The following CCDC102B variants were observed in gnomAD, a reference collection of about 807,000 sequenced individuals.
CCDC102B encodes coiled-coil domain containing 102B.
In CCDC102B, 75 loss-of-function variants were observed where a neutral mutation model predicts 57.4. The observed-to-expected ratio is 1.31, with a 90% CI of 1.08 to 1.58. The LOEUF is 1.58. CCDC102B is among the 40% of genes most tolerant of loss of function. The probability of loss-of-function intolerance (pLI) is 0.00; values close to 1 mark genes in which losing one functional copy is unlikely to be tolerated. For missense variants in CCDC102B, 636 were observed against 582.6 expected, an observed-to-expected ratio of 1.09 and a Z score of -0.94; for synonymous variants, 206 against 201.9, an observed-to-expected ratio of 1.02 and a Z score of -0.17.
At chr18:68,738,026 C>G (rs1456999195) in intron 2 of CCDC102B, among the ~76,000 whole-genome samples, 1 of 152,144 alleles carries the variant, frequency 6.6e-6, no homozygotes, top group Non-Finnish European at 1.5e-5. Flanking sequence ...ATAATGACCA[C>G]TCATTTAATG....
intron 6 of CCDC102B, among the ~76,000 whole-genome samples, chr18:68,924,844 A>G (rs754103567): frequency 3.3e-5 from 5 of 152,090 alleles, no homozygotes; most frequent in Non-Finnish European, 7.4e-5. Context: ...ACAAACACTT[A>G]TGCCAAATGC....
At chr18:68,781,913 TC>T (rs1467044883) in intron 2 of CCDC102B, among the ~76,000 whole-genome samples, 1 of 152,080 alleles carries the variant, frequency 6.6e-6, no homozygotes, top group Non-Finnish European at 1.5e-5. Context: ...AGAATAACAG[TC>T]ATTGAGGTAT....
At chr18:68,828,745 TA>T (rs1357838377) in intron 1 of CCDC102B, among the ~76,000 whole-genome samples, 2 of 151,724 alleles carry the variant, frequency 1.3e-5, no homozygotes, top group African/African-American at 2.4e-5. Flanking sequence ...TTACTTTATT[TA>T]AAAATATTTA....
chr18:68,815,971 C>A (rs771425646), intron 1 of CCDC102B, among the ~76,000 whole-genome samples: 22 of 152,158 alleles, frequency 1.4e-4, no homozygotes, highest in South Asian at 4.1e-4. Flanking sequence ...GGATTTTTCA[C>A]ACTCCCATAT....
chr18:68,984,300 T>G (rs1164063418), intron 6 of CCDC102B, among the ~76,000 whole-genome samples: 1 of 152,082 alleles, frequency 6.6e-6, no homozygotes, highest in Non-Finnish European at 1.5e-5. Flanking sequence ...ATTTGCAGAT[T>G]ACTTATGTAA....
chr18:68,771,831 G>C (rs971545400), intron 2 of CCDC102B, among the ~76,000 whole-genome samples: 4 of 150,186 alleles, frequency 2.7e-5, no homozygotes, highest in Non-Finnish European at 4.4e-5. Flanking sequence ...TAAAAAGAGA[G>C]ACTTACATTT....
At chr18:68,924,841 C>T (rs1026701157) in intron 6 of CCDC102B, among the ~76,000 whole-genome samples, 2 of 152,058 alleles carry the variant, frequency 1.3e-5, no homozygotes, top group Admixed American at 6.6e-5. Flanking sequence ...TGTACAAACA[C>T]TTATGCCAAA....
intron 2 of CCDC102B, among the ~76,000 whole-genome samples, chr18:68,764,797 A>T (rs2034369466): frequency 6.6e-6 from 1 of 152,054 alleles, no homozygotes; most frequent in Admixed American, 6.6e-5. Flanking sequence ...AAATAATGGG[A>T]GACCAAGGCA....
At chr18:68,834,562 G>A (rs2037284598) in intron 1 of CCDC102B, among the ~76,000 whole-genome samples, 2 of 149,618 alleles carry the variant, frequency 1.3e-5, no homozygotes, top group South Asian at 2.1e-4. Context: ...GTAAATGAAG[G>A]GAACAAAACA....
intron 6 of CCDC102B, among the ~76,000 whole-genome samples, chr18:68,945,381 T>C (rs765751687): frequency 1.8e-4 from 27 of 152,056 alleles, no homozygotes; most frequent in Non-Finnish European, 2.9e-4. Flanking sequence ...AAATTAATAT[T>C]GTCAAGTTCA....
At chr18:68,765,314 AAGGAAGGAAGG>A (rs1289057834) in intron 2 of CCDC102B, among the ~76,000 whole-genome samples, 1 of 62,796 alleles carries the variant, frequency 1.6e-5, no homozygotes, top group African/African-American at 5.8e-5. Flanking sequence ...GGAAGGAAGG[AAGGAAGGAAGG>A]AAAGAAAGAA....
At chr18:68,878,569 G>A (rs1440193554) in intron 5 of CCDC102B, among the ~76,000 whole-genome samples, 4 of 152,104 alleles carry the variant, frequency 2.6e-5, no homozygotes, top group African/African-American at 4.8e-5. Flanking sequence ...TTAAAAAAGA[G>A]ACCCCAGAGA....
chr18:68,863,902 T>A (rs1212942800), intron 4 of CCDC102B, among the ~76,000 whole-genome samples: 4 of 151,900 alleles, frequency 2.6e-5, no homozygotes, highest in Non-Finnish European at 5.9e-5. Flanking sequence ...TTTTTATAGG[T>A]TTCTCACTTC....
intron 2 of CCDC102B, among the ~76,000 whole-genome samples, chr18:68,739,091 A>G (rs2033273913): frequency 6.6e-6 from 1 of 150,688 alleles, no homozygotes; most frequent in African/African-American, 2.5e-5. Flanking sequence ...ACCTCCCAGG[A>G]TCAAGCGATT....
chr18:68,796,806 G>A (rs2035643728), upstream of CCDC102B, among the ~76,000 whole-genome samples: 2 of 150,552 alleles, frequency 1.3e-5, no homozygotes, highest in African/African-American at 4.9e-5. Context: ...AGGTGAGTTA[G>A]AAAAATTAAA....
At chr18:68,750,811 AG>A (rs2033817568) in intron 2 of CCDC102B, among the ~76,000 whole-genome samples, 1 of 81,512 alleles carries the variant, frequency 1.2e-5, no homozygotes, top group South Asian at 4.9e-4. Context: ...GGGTGGGGGG[AG>A]GGGGGAGGGA....
At chr18:68,853,702 A>AAAAAAAAT (rs2038248352) in intron 4 of CCDC102B, among the ~76,000 whole-genome samples, 1 of 145,046 alleles carries the variant, frequency 6.9e-6, no homozygotes, top group Non-Finnish European at 1.5e-5. Flanking sequence ...AAAAAAAAAA[A>AAAAAAAAT]TCTGACTCAA....
At chr18:68,812,618 A>G (rs2036311774) in intron 1 of CCDC102B, among the ~76,000 whole-genome samples, 1 of 152,236 alleles carries the variant, frequency 6.6e-6, no homozygotes, top group Non-Finnish European at 1.5e-5. Flanking sequence ...GGGTAGGTTG[A>G]TATATTTCAA....
chr18:68,784,764 A>G (rs1183669819), intron 2 of CCDC102B, among the ~76,000 whole-genome samples: 1 of 152,030 alleles, frequency 6.6e-6, no homozygotes, highest in Non-Finnish European at 1.5e-5. Flanking sequence ...ACAAACCTAG[A>G]TCTTTTAGTA....
Sources: gnomAD v4.1 joint callset for allele counts (sites outside exome capture counted in the v4.1 genomes callset) on GRCh38, gnomAD v4.1.1 for gene constraint, MANE v1.5 for transcripts, NCBI Gene and HGNC (gene_info 2026-07-23, HGNC 2026-07-21) for gene names.